The following CFAP58 variants were observed in gnomAD, a reference collection of about 807,000 sequenced individuals.
The protein encoded by CFAP58 is cilia and flagella associated protein 58, also known as cilia- and flagella-associated protein 58.
CFAP58 carries 88 observed loss-of-function variants against 119.5 expected under a neutral mutation model. The ratio of observed to expected loss-of-function variants is 0.74; its 90% confidence interval spans 0.62 to 0.88. The LOEUF (loss-of-function observed/expected upper bound fraction) is 0.88, where lower values mean the gene tolerates loss of function less well. Among genes scored for constraint, CFAP58 ranks in the 40% least tolerant of loss-of-function variants. CFAP58 has a pLI of 0.00. For missense variants in CFAP58, 990 were observed against 1,021.2 expected (o/e 0.97, Z 0.42); for synonymous variants, 365 against 366.3 (o/e 1.00, Z 0.04).
At chr10:104,366,811 A>T (rs993039800) in intron 5 of CFAP58, among the ~76,000 whole-genome samples, 7 of 151,902 alleles carry the variant, frequency 4.6e-5, no homozygotes, top group Non-Finnish European at 7.4e-5. Flanking sequence ...GCAGTATTCC[A>T]CTGGGTGAGT....
In CFAP58 at chr10:104,400,865, G is replaced by A; in HGVS notation, c.2001G>A (p.Gly667=). The A allele has an allele frequency of 6.2e-7, 1 of 1,614,178 alleles. No homozygotes were observed. Among genetic ancestry groups the A allele is most frequent in the Non-Finnish European group, 8.5e-7 (1 of 1,180,028 alleles). The change falls in exon 13 of 18, where the codon GGG becomes GGA. Residue 667 remains glycine, a synonymous_variant. Transcript: ENST00000369704. ...TCAAGAAGCTTCGCCGGGAAAAGGG[G>A]ATTCTTGCCAGGAGTATGGCTAATG... ...LEIKKLRREK[G]ILARSMANVE...
intron 15 of CFAP58, among the ~76,000 whole-genome samples, chr10:104,418,314 C>T (rs555414187): frequency 9.2e-5 from 14 of 152,220 alleles, no homozygotes; most frequent in East Asian, 5.8e-4. Flanking sequence ...TTTGGGAGGC[C>T]GAGGCAGGTG....
intron 1 of CFAP58, among the ~76,000 whole-genome samples, chr10:104,354,692 C>T (rs1462126749): frequency 2.0e-5 from 3 of 152,198 alleles, no homozygotes; most frequent in Admixed American, 2.0e-4. Flanking sequence ...CTGTTCCAGC[C>T]AGGACCAGCT....
At chr10:104,340,071 A>T in the CFAP58 span, among the ~76,000 whole-genome samples, 125 of 152,342 alleles carry the variant, frequency 8.2e-4, no homozygotes, top group Non-Finnish European at 1.1e-3. Flanking sequence ...TATTTATATA[A>T]GGAATATTTA....
At chr10:104,445,439 T>C (rs2013100021) in intron 15 of CFAP58, among the ~76,000 whole-genome samples, 1 of 152,180 alleles carries the variant, frequency 6.6e-6, no homozygotes, top group East Asian at 1.9e-4. Context: ...ATTCACTCTG[T>C]GTCAGAACAC....
Position 104,392,327 on chromosome 10 carries a change from A to G in CFAP58, c.1460A>G (p.Gln487Arg). ...IAESEIKLKQ[Q>R]QNLYEAVRSD... ...GAATCAGAGATTAAATTAAAACAGCAACAGAACCTATATGAAGCTGTGAGA... is the reference window on the plus strand; with the variant it reads ...GAATCAGAGATTAAATTAAAACAGCGACAGAACCTATATGAAGCTGTGAGA... Residue 487 changes from glutamine (Q) to arginine (R), a missense_variant, in exon 10 of 18, where the codon CAA (glutamine) becomes CGA (arginine). By Grantham distance (43) the Gln-to-Arg change is conservative. Transcript: ENST00000369704. 1 of 1,612,848 alleles carries G rather than the reference A, an allele frequency of 6.2e-7. No homozygotes were observed. Among genetic ancestry groups the G allele is most frequent in the South Asian group, 1.1e-5 (1 of 90,838 alleles).
At chr10:104,361,784 C>T (rs1338051880) in intron 2 of CFAP58, among the ~76,000 whole-genome samples, 3 of 152,246 alleles carry the variant, frequency 2.0e-5, no homozygotes, top group Non-Finnish European at 4.4e-5. Flanking sequence ...TTCCCGGACT[C>T]AAGAGGTCTT....
chr10:104,397,282 C>T (rs2012181605), intron 11 of CFAP58, among the ~76,000 whole-genome samples: 1 of 152,180 alleles, frequency 6.6e-6, no homozygotes. Context: ...ACAATCCCCC[C>T]AAGTGGTAAA....
chr10:104,400,835 TG>T lies in CFAP58; in HGVS notation c.1972del (p.Glu658ArgfsTer34). The T allele has an allele frequency of 6.2e-7, 1 of 1,613,930 alleles. No individual in the cohort carries two copies. The highest frequency in any genetic ancestry group is 2.2e-5 in the East Asian group (1 of 44,872). ...RLEDMRILRL[E>X]IKKLRREKGI... is the part of the protein sequence containing the mutation. ...TGGAGGACATGAGAATCCTCAGACT[TG>T]AGATCAAGAAGCTTCGCCGGGAAAA... On this transcript the variant is annotated frameshift_variant, in exon 13 of 18. Transcript: ENST00000369704. LOFTEE classifies it high-confidence loss of function.
intron 15 of CFAP58, among the ~76,000 whole-genome samples, chr10:104,438,348 G>GTTTTTTGTTTTTTTTTTTTT (rs2012971476): frequency 2.7e-5 from 1 of 36,740 alleles, no homozygotes; most frequent in African/African-American, 8.8e-5. Context: ...TTTGTTTTTT[G>GTTTTTTGTTTTTTTTTTTTT]TTTTTTTTTT....
intron 7 of CFAP58, among the ~76,000 whole-genome samples, chr10:104,375,214 G>A (rs995372496): frequency 1.3e-5 from 2 of 150,282 alleles, no homozygotes; most frequent in East Asian, 1.9e-4. Flanking sequence ...CCCTTTTGGG[G>A]TGTATGTGTA....
At position 104,400,822 on chromosome 10, in the gene CFAP58, G is replaced by T. The variant is rs1320858662; in HGVS notation, c.1958G>T (p.Arg653Ile). 6.2e-7 allele frequency: 1 copy of T among 1,614,180 alleles called. No homozygotes were observed. The highest frequency in any genetic ancestry group is 8.5e-7 in the Non-Finnish European group (1 of 1,180,038). The change falls in exon 13 of 18, where the codon AGA (arginine) becomes ATA (isoleucine). Residue 653 changes from arginine to isoleucine, a missense_variant. Coordinates refer to ENST00000369704, the MANE Select transcript of CFAP58 (RefSeq NM_001008723.2). Reference protein sequence around the residue: ...SQYNQRLEDMRILRLEIKKLR... With the variant: ...SQYNQRLEDMIILRLEIKKLR... ...TACAACCAGAGGTTGGAGGACATGA[G>T]AATCCTCAGACTTGAGATCAAGAAG...
chr10:104,426,940 G>A (rs1026015345), intron 15 of CFAP58, among the ~76,000 whole-genome samples: 1 of 152,044 alleles, frequency 6.6e-6, no homozygotes, highest in Non-Finnish European at 1.5e-5. Flanking sequence ...TACAGTATCA[G>A]TTATTTTAAA....
At chr10:104,380,381 G>A (rs2133012721) in intron 9 of CFAP58, among the ~76,000 whole-genome samples, 161 bp downstream of exon 9, 1 of 152,280 alleles carries the variant, frequency 6.6e-6, no homozygotes, top group Middle Eastern at 3.4e-3. Flanking sequence ...AGCTGTTTCC[G>A]AGCTGATTCT....
intron 7 of CFAP58, among the ~76,000 whole-genome samples, chr10:104,373,033 G>T (rs552030511): frequency 1.3e-5 from 2 of 152,170 alleles, no homozygotes; most frequent in Non-Finnish European, 2.9e-5. Flanking sequence ...GAGTTCAGTA[G>T]GGTGGCAGGT....
At chr10:104,373,515 G>A (rs1193881788) in intron 7 of CFAP58, among the ~76,000 whole-genome samples, 2 of 152,036 alleles carry the variant, frequency 1.3e-5, no homozygotes, top group South Asian at 2.1e-4. Context: ...CTGCGCACCT[G>A]TAGTGGCACA....
At chr10:104,392,425 G>C in intron 10 of CFAP58, 31 bp downstream of exon 10, 1 of 1,434,924 alleles carries the variant, frequency 7.0e-7, no homozygotes, top group Non-Finnish European at 9.3e-7. Flanking sequence ...CTTACATTTT[G>C]ATTTATTTTT....
chr10:104,404,728 G>C (rs1294543107), intron 14 of CFAP58, among the ~76,000 whole-genome samples: 3 of 152,076 alleles, frequency 2.0e-5, no homozygotes, highest in East Asian at 3.9e-4. Flanking sequence ...TCCTGCCTCA[G>C]CCTCCCAAGT....
In CFAP58 at chr10:104,358,028, T is replaced by TAC. The variant is rs1358916300; in HGVS notation, c.10-311_10-310dup. Among the ~76,000 whole-genome samples, 36 of 133,674 alleles carry TAC rather than the reference T, an allele frequency of 2.7e-4. 1 individual carries two copies. Among genetic ancestry groups the TAC allele is most frequent in the Admixed American group, 9.3e-4 (13 of 13,978 alleles). 87.7% of individuals were successfully genotyped at this position (133,674 alleles called of 152,430 possible). On this transcript the variant is annotated intron_variant, in intron 1 of 17. Coordinates refer to ENST00000369704, the MANE Select transcript of CFAP58 (RefSeq NM_001008723.2). ...ATATACACATATATGTACATATATA[T>TAC]ACATATGTACATATACACACATATA... is the stretch of plus-strand genomic sequence containing the variant.
Sources: allele counts gnomAD v4.1 joint callset (sites outside exome capture counted in the v4.1 genomes callset), GRCh38; gene constraint gnomAD v4.1.1; transcripts MANE v1.5; gene names NCBI Gene and HGNC (gene_info 2026-07-23, HGNC 2026-07-21).